ROBO2: variants seen among roughly 807,000 people sequenced by gnomAD.
The protein encoded by ROBO2 is roundabout guidance receptor 2.
A neutral mutation model predicts 160.8 loss-of-function variants in ROBO2; 53 were observed. The observed-to-expected ratio is 0.33, with a 90% CI of 0.26 to 0.41. ROBO2 has a LOEUF of 0.41. Among genes scored for constraint, ROBO2 ranks in the 10% least tolerant of loss-of-function variants. The probability of loss-of-function intolerance (pLI) is 1.00; values close to 1 mark genes in which losing one functional copy is unlikely to be tolerated. For synonymous variants in ROBO2, 664 were observed against 611.7 expected, an observed-to-expected ratio of 1.09 and a Z score of -1.26; for missense variants, 1,577 against 1,722.4, an observed-to-expected ratio of 0.92 and a Z score of 1.49.
intron 2 of ROBO2, among the ~76,000 whole-genome samples, chr3:76,131,870 A>G (rs1342880998): frequency 6.6e-6 from 1 of 152,208 alleles, no homozygotes. Context: ...TTTCACAATC[A>G]TCTTATCAAA....
chr3:76,812,023 A>G (rs1345728640), intron 2 of ROBO2, among the ~76,000 whole-genome samples: 4 of 151,838 alleles, frequency 2.6e-5, no homozygotes, highest in Non-Finnish European at 5.9e-5. Flanking sequence ...GGTGCCCACC[A>G]CCATGCCCAG....
At chr3:77,537,951 G>T (rs775761) in intron 6 of ROBO2, among the ~76,000 whole-genome samples, 1 of 151,874 alleles carries the variant, frequency 6.6e-6, no homozygotes, top group African/African-American at 2.4e-5. Flanking sequence ...GGGAGGTACA[G>T]TTCAAGATGA....
intron 1 of ROBO2, among the ~76,000 whole-genome samples, chr3:77,084,311 A>G (rs1363672884): frequency 6.6e-6 from 1 of 152,114 alleles, no homozygotes; most frequent in Non-Finnish European, 1.5e-5. Context: ...TAACATTTGT[A>G]TACTTTTCAT....
At chr3:77,374,492 CT>C (rs1412980444) in intron 2 of ROBO2, among the ~76,000 whole-genome samples, 1 of 152,056 alleles carries the variant, frequency 6.6e-6, no homozygotes, top group Non-Finnish European at 1.5e-5. Context: ...ATCTGTTGAC[CT>C]TTTTGGCCTT....
At chr3:76,729,933 C>T (rs947801302) in intron 2 of ROBO2, among the ~76,000 whole-genome samples, 4 of 152,012 alleles carry the variant, frequency 2.6e-5, no homozygotes, top group East Asian at 1.9e-4. Context: ...CCACTTCGCC[C>T]GGCCTACACA....
At chr3:77,617,683 C>T in exon 22 of ROBO2, 1 of 1,614,116 alleles carries the variant, frequency 6.2e-7, no homozygotes, top group Non-Finnish European at 8.5e-7. Flanking sequence ...ACTCTTACTC[C>T]ATCCCCACGG....
At chr3:76,203,491 G>C (rs991938853) in intron 2 of ROBO2, among the ~76,000 whole-genome samples, 1 of 148,556 alleles carries the variant, frequency 6.7e-6, no homozygotes, top group African/African-American at 2.5e-5. Flanking sequence ...ACAGATCACA[G>C]GTCAGGGTTC....
intron 1 of ROBO2, among the ~76,000 whole-genome samples, chr3:77,060,013 C>A (rs2066137559): frequency 6.6e-6 from 1 of 151,952 alleles, no homozygotes; most frequent in Non-Finnish European, 1.5e-5. Context: ...AAGGTCATCA[C>A]AAATCAAACC....
intron 2 of ROBO2, among the ~76,000 whole-genome samples, chr3:76,119,975 T>TTC (rs1271871463): frequency 1.3e-4 from 19 of 141,670 alleles, no homozygotes; most frequent in South Asian, 2.4e-4. Context: ...CCTTCCTTCC[T>TTC]CTCTCTTTCT....
In ROBO2 at chr3:77,565,131, C is replaced by T. The variant is rs780643579; in HGVS notation, c.1849+11C>T. ...CTGTGCGCACACAAGGTACTTTCAA[C>T]AGCTGTCAACAAGACTGGTTCTAGG... On this transcript the variant is annotated intron_variant, in intron 12 of 25. Coordinates refer to ENST00000461745, the Ensembl canonical transcript of ROBO2. 1 of 1,613,386 alleles carries T rather than the reference C, an allele frequency of 6.2e-7. No homozygotes were observed. The highest frequency in any genetic ancestry group is 8.5e-7 in the Non-Finnish European group (1 of 1,179,536).
chr3:77,049,446 T>C (rs2065007270), intron 1 of ROBO2, among the ~76,000 whole-genome samples: 1 of 152,182 alleles, frequency 6.6e-6, no homozygotes, highest in Non-Finnish European at 1.5e-5. Context: ...TGTTTTGGTG[T>C]GGGTTCAATG....
At chr3:77,230,569 G>A (rs1443109635) in intron 2 of ROBO2, among the ~76,000 whole-genome samples, 1 of 152,138 alleles carries the variant, frequency 6.6e-6, no homozygotes, top group Non-Finnish European at 1.5e-5. Flanking sequence ...GCACCAAATG[G>A]AACCATTGTT....
At chr3:77,161,038 G>T (rs2078444174) in intron 2 of ROBO2, among the ~76,000 whole-genome samples, 1 of 152,124 alleles carries the variant, frequency 6.6e-6, no homozygotes. Flanking sequence ...GTAAAAGAAG[G>T]AGTACTCCAG....
At chr3:76,099,944 G>C (rs573825956) in intron 2 of ROBO2, among the ~76,000 whole-genome samples, 3 of 152,286 alleles carry the variant, frequency 2.0e-5, no homozygotes, top group Non-Finnish European at 4.4e-5. Flanking sequence ...GTTTTCGTCT[G>C]TAGGTAAGGG....
chr3:77,536,467 CTCTT>C (rs765052372), intron 6 of ROBO2, among the ~76,000 whole-genome samples: 11 of 152,080 alleles, frequency 7.2e-5, no homozygotes, highest in Non-Finnish European at 1.5e-4. Context: ...CTTCCTCTCT[CTCTT>C]TCTCTCTCTA....
chr3:76,452,381 G>A (rs1040014772), intron 2 of ROBO2, among the ~76,000 whole-genome samples: 1 of 151,748 alleles, frequency 6.6e-6, no homozygotes, highest in Admixed American at 6.6e-5. Context: ...GTGTCCATGT[G>A]TTCTCATTGT....
chr3:77,193,668 G>A (rs1371957797), intron 2 of ROBO2, among the ~76,000 whole-genome samples: 1 of 152,112 alleles, frequency 6.6e-6, no homozygotes, highest in African/African-American at 2.4e-5. Context: ...GACAGGTCAT[G>A]ACCTAATCAG....
At position 77,440,515 on chromosome 3, in the gene ROBO2, A is replaced by G. The variant is rs371959962; in HGVS notation, c.389-36899A>G. ...TATGGCTTTAGTAGTTAAAATATGC[A>G]CTGAGTAAATATCTTAGCCCATATA... On this transcript the variant is annotated intron_variant, in intron 2 of 25. Transcript: ENST00000461745. Among the ~76,000 whole-genome samples, 7 of 152,280 alleles carry G rather than the reference A, an allele frequency of 4.6e-5. No individual in the cohort carries two copies. In the East Asian group the frequency reaches 1.4e-3, roughly 29 times the overall value.
chr3:76,269,231 T>G (rs1421191799), intron 2 of ROBO2, among the ~76,000 whole-genome samples: 1 of 152,134 alleles, frequency 6.6e-6, no homozygotes, highest in East Asian at 1.9e-4. Flanking sequence ...TTTACTCTAA[T>G]GTGGTTATTA....
Sources: allele counts gnomAD v4.1 joint callset (sites outside exome capture counted in the v4.1 genomes callset), GRCh38; gene constraint gnomAD v4.1.1; transcripts MANE v1.5; gene names NCBI Gene and HGNC (gene_info 2026-07-23, HGNC 2026-07-21).